The following SLC9A8 variants were observed in gnomAD, a reference collection of about 807,000 sequenced individuals.
The protein encoded by SLC9A8 is sodium/hydrogen exchanger 8.
SLC9A8 carries 48 observed loss-of-function variants against 66.6 expected under a neutral mutation model. That is an observed-to-expected ratio of 0.72 (90% CI 0.57 to 0.92). SLC9A8 has a LOEUF of 0.92. Among genes scored for constraint, SLC9A8 ranks in the 40% least tolerant of loss-of-function variants. The pLI is 0.00. For synonymous variants in SLC9A8, 274 were observed against 282.6 expected (o/e 0.97, Z 0.31); for missense variants, 599 against 747.3 (o/e 0.80, Z 2.31).
In SLC9A8 at chr20:49,825,801, G is replaced by A. The variant is rs139537702; in HGVS notation, c.289+2660G>A. ...CCTCAGCAGTGAATCCCTTTTCCCC[G>A]GCTTCGCTGTCAGGCAGGCTCTCTC... On this transcript the variant is annotated intron_variant, in intron 3 of 15. Coordinates refer to ENST00000361573, the MANE Select transcript of SLC9A8 (RefSeq NM_015266.3). Among the ~76,000 whole-genome samples the A allele has an allele frequency of 4.0e-3, 616 of 152,240 alleles. 6 individuals are homozygous for A. Among genetic ancestry groups the A allele is most frequent in the African/African-American group, 0.014 (583 of 41,530 alleles).
At chr20:49,875,195 C>T (rs1422165681) in intron 11 of SLC9A8, among the ~76,000 whole-genome samples, 1 of 150,700 alleles carries the variant, frequency 6.6e-6, no homozygotes, top group East Asian at 1.9e-4. Context: ...ATGGGGCTCA[C>T]ACCTGTAATC....
At chr20:49,830,484 G>A (rs954779817) in intron 3 of SLC9A8, 5 of 794,408 alleles carry the variant, frequency 6.3e-6, no homozygotes, top group Admixed American at 3.8e-5. Flanking sequence ...GATCTGCCCT[G>A]GAAAGTGCTA....
chr20:49,812,888 G>A lies in SLC9A8; in HGVS notation c.-35G>A. 3 of 1,497,522 alleles carry A rather than the reference G, an allele frequency of 2.0e-6. No homozygotes were observed. The highest frequency in any genetic ancestry group is 2.7e-6 in the Non-Finnish European group (3 of 1,125,208). 92.8% of individuals were successfully genotyped at this position (1,497,522 alleles called of 1,614,324 possible). On this transcript the variant is annotated 5_prime_UTR_variant, in exon 1 of 16. Coordinates refer to ENST00000361573, the MANE Select transcript of SLC9A8 (RefSeq NM_015266.3). ...CAAAAGCGGGTCCTGCTAGCCCCGC[G>A]GCTCCGAACTCGGTGGTCCTGGAAG...
At chr20:49,858,639 G>T (rs554563498) in intron 8 of SLC9A8, among the ~76,000 whole-genome samples, 5 of 152,012 alleles carry the variant, frequency 3.3e-5, no homozygotes, top group South Asian at 2.1e-4. Context: ...GTAGCCAGAG[G>T]TTCTTACTGG....
intron 2 of SLC9A8, among the ~76,000 whole-genome samples, chr20:49,820,922 A>G (rs6020068): frequency 0.28 from 43,104 of 152,052 alleles, 8,840 homozygotes; most frequent in African/African-American, 0.59. Context: ...CCTTGTGACT[A>G]TTGATGTTGA....
chr20:49,885,788 C>T (rs2089867111), intron 14 of SLC9A8, among the ~76,000 whole-genome samples: 1 of 152,202 alleles, frequency 6.6e-6, no homozygotes, highest in South Asian at 2.1e-4. Context: ...AATGCCGAGG[C>T]ACCAAGAGAA....
chr20:49,819,635 A>G (rs373943245), intron 2 of SLC9A8, among the ~76,000 whole-genome samples: 1 of 152,156 alleles, frequency 6.6e-6, no homozygotes, highest in African/African-American at 2.4e-5. Context: ...TGCAGCTATC[A>G]CTACTATCTA....
chr20:49,825,517 T>C (rs1406873282), intron 3 of SLC9A8, among the ~76,000 whole-genome samples: 1 of 152,032 alleles, frequency 6.6e-6, no homozygotes, highest in South Asian at 2.1e-4. Context: ...TGGCAGGTGC[T>C]TGTAATCCCA....
At chr20:49,813,832 AG>A (rs1286876431) in intron 1 of SLC9A8, among the ~76,000 whole-genome samples, 1 of 152,224 alleles carries the variant, frequency 6.6e-6, no homozygotes, top group Admixed American at 6.5e-5. Context: ...AGTGACAGGC[AG>A]CATGGCTGGT....
chr20:49,837,831 C>T (rs905977714), intron 3 of SLC9A8, among the ~76,000 whole-genome samples: 7 of 152,098 alleles, frequency 4.6e-5, no homozygotes, highest in South Asian at 2.1e-4. Flanking sequence ...AGCCTCCTAA[C>T]GTGCTGGGAT....
At chr20:49,844,940 G>A in intron 4 of SLC9A8, 96 bp from the exon 5 acceptor site, 1 of 812,420 alleles carries the variant, frequency 1.2e-6, no homozygotes, top group Non-Finnish European at 2.1e-6. Flanking sequence ...ACTAGGCCAG[G>A]CCCTGAGAGA....
intron 10 of SLC9A8, 86 bp from the exon 11 acceptor site, chr20:49,874,619 C>T (rs747876461): frequency 1.0e-5 from 9 of 871,430 alleles, no homozygotes; most frequent in Non-Finnish European, 2.0e-6. Flanking sequence ...CTCTAATGCT[C>T]TAGGCCCCAG....
rs1568883972 is a variant in SLC9A8, at chr20:49,884,274, G to GACACACACGAC, written c.1491+216_1491+217insGACACACACAC. ...ACACACACACGACACACACACACAC[G>GACACACACGAC]ACACACACACACACGACACACACAC... On this transcript the variant is annotated intron_variant, in intron 14 of 15. Transcript: ENST00000361573. 2.9e-4 allele frequency: 35 copies of GACACACACGAC among 120,388 alleles called. 2 individuals carry two copies. The highest frequency in any genetic ancestry group is 6.1e-4 in the South Asian group (12 of 19,638). The allele number at this position is 120,388 out of a possible 1,614,324, so 7.5% of individuals were successfully genotyped here. A position where few individuals can be genotyped will look rare whatever the true frequency, so the allele number is the denominator to read the frequency against.
chr20:49,826,546 T>C (rs964847499), intron 3 of SLC9A8, among the ~76,000 whole-genome samples: 2 of 152,222 alleles, frequency 1.3e-5, no homozygotes, highest in African/African-American at 4.8e-5. Flanking sequence ...AAGGACCATC[T>C]GCACTCCAAA....
intron 13 of SLC9A8, among the ~76,000 whole-genome samples, chr20:49,881,282 T>C (rs2089618099): frequency 6.6e-6 from 1 of 152,200 alleles, no homozygotes; most frequent in Non-Finnish European, 1.5e-5. Context: ...AGAGCCGGGA[T>C]TTCTGCCACT....
intron 3 of SLC9A8, among the ~76,000 whole-genome samples, chr20:49,836,982 TA>T (rs2087562421): frequency 1.3e-5 from 2 of 152,198 alleles, no homozygotes; most frequent in Admixed American, 1.3e-4. Context: ...AGATAGCTAC[TA>T]AGATAAAAAA....
chr20:49,843,639 C>A (rs1053287475), intron 4 of SLC9A8, among the ~76,000 whole-genome samples: 2 of 152,094 alleles, frequency 1.3e-5, no homozygotes, highest in African/African-American at 4.8e-5. Context: ...ATTCTACCAA[C>A]AACTAGAGAG....
intron 8 of SLC9A8, among the ~76,000 whole-genome samples, chr20:49,861,408 G>C (rs774483366): frequency 2.6e-5 from 4 of 152,176 alleles, no homozygotes; most frequent in Non-Finnish European, 5.9e-5. Flanking sequence ...ACTGGGTGTG[G>C]TGATGTATGC....
intron 5 of SLC9A8, among the ~76,000 whole-genome samples, chr20:49,849,124 G>A (rs1056829175): frequency 2.0e-5 from 3 of 152,108 alleles, no homozygotes; most frequent in Admixed American, 6.5e-5. Context: ...CAACCTGCTC[G>A]AAGCCACCAG....
Sources: allele counts gnomAD v4.1 joint callset (sites outside exome capture counted in the v4.1 genomes callset), GRCh38; gene constraint gnomAD v4.1.1; transcripts MANE v1.5; gene names NCBI Gene and HGNC (gene_info 2026-07-23, HGNC 2026-07-21).